Variants in HIVEP1 observed in about 807,000 individuals in gnomAD.
HIVEP1 encodes the protein HIVEP zinc finger 1, also known as zinc finger protein 40.
Under a neutral mutation model 180.0 loss-of-function variants are expected in HIVEP1, and 36 were observed. That is an observed-to-expected ratio of 0.20 (90% confidence interval 0.15 to 0.26). The LOEUF (loss-of-function observed/expected upper bound fraction) is 0.26, where lower values mean the gene tolerates loss of function less well. Ranked by LOEUF, HIVEP1 falls within the 10% of genes least tolerant of loss-of-function variation. The pLI is 1.00. For missense variants in HIVEP1, 3,143 were observed against 3,268.7 expected, an observed-to-expected ratio of 0.96 and a Z score of 0.94; for synonymous variants, 1,239 against 1,239.0, an observed-to-expected ratio of 1.00 and a Z score of 0.00.
the HIVEP1 span, among the ~76,000 whole-genome samples, chr6:12,195,240 G>C: frequency 6.6e-6 from 1 of 152,188 alleles, no homozygotes; most frequent in Non-Finnish European, 1.5e-5. Context: ...CTGAGAGCAT[G>C]GGTCTGATCT....
At chr6:12,207,719 A>T in the HIVEP1 span, among the ~76,000 whole-genome samples, 1 of 132,154 alleles carries the variant, frequency 7.6e-6, no homozygotes, top group Non-Finnish European at 1.7e-5. Flanking sequence ...AGCCTGGGCA[A>T]TACAGCAAGA....
chr6:12,119,288 C>T (rs1429059387), intron 3 of HIVEP1, among the ~76,000 whole-genome samples: 1 of 152,224 alleles, frequency 6.6e-6, no homozygotes, highest in Non-Finnish European at 1.5e-5. Flanking sequence ...GTTGTCTCTT[C>T]GTGCTTCCTC....
chr6:12,101,363 T>G (rs1196646326), intron 3 of HIVEP1, among the ~76,000 whole-genome samples: 2 of 152,180 alleles, frequency 1.3e-5, no homozygotes, highest in East Asian at 3.8e-4. Context: ...TAACAGTGTA[T>G]TTTTGAACTG....
the HIVEP1 span, among the ~76,000 whole-genome samples, chr6:12,209,294 G>T: frequency 1.3e-5 from 2 of 152,172 alleles, no homozygotes; most frequent in African/African-American, 4.8e-5. Flanking sequence ...TTAGCCTGGT[G>T]TGGTGGCAGG....
the HIVEP1 span, among the ~76,000 whole-genome samples, chr6:12,206,943 T>C: frequency 2.0e-5 from 3 of 151,814 alleles, no homozygotes; most frequent in South Asian, 6.2e-4. Flanking sequence ...GTCTCTGATG[T>C]GTGCTAATTT....
At chr6:12,197,869 C>A in the HIVEP1 span, among the ~76,000 whole-genome samples, 6 of 152,096 alleles carry the variant, frequency 3.9e-5, no homozygotes, top group African/African-American at 1.4e-4. Flanking sequence ...CCCCTGAAAA[C>A]AGATGGGTTT....
In HIVEP1 at chr6:12,121,495, A is replaced by G. The variant is rs1328809913; in HGVS notation, c.1700A>G (p.His567Arg). 2 of 1,614,220 alleles carry G rather than the reference A, an allele frequency of 1.2e-6. No individual in the cohort carries two copies. Among genetic ancestry groups the G allele is most frequent in the African/African-American group, 1.3e-5 (1 of 75,060 alleles). ...VTELPKVVVH[H>R]VTVSPLRTDS... ...GAGTTACCGAAAGTTGTGGTCCACC[A>G]TGTCACTGTGTCCCCCTTAAGAACT... Residue 567 changes from histidine to arginine, a missense_variant, in exon 4 of 9, where the codon CAT becomes CGT. Transcript: ENST00000379388. This position sits in a 1 kb window ranked among gnomAD's most constrained non-coding sequence, Gnocchi z 5.3.
At chr6:12,065,981 A>G (rs1771551882) in intron 2 of HIVEP1, among the ~76,000 whole-genome samples, 1 of 152,104 alleles carries the variant, frequency 6.6e-6, no homozygotes, top group African/African-American at 2.4e-5. Flanking sequence ...TGCGGCTGTG[A>G]GTAAGGAGAA....
chr6:12,130,618 T>C, intron 5 of HIVEP1, 149 bp from the exon 6 acceptor site: 1 of 499,954 alleles, frequency 2.0e-6, no homozygotes, highest in East Asian at 3.0e-5. Context: ...TGTAAAAAGC[T>C]GGAATATTCT....
chr6:12,067,211 T>C (rs553846215), intron 2 of HIVEP1, among the ~76,000 whole-genome samples: 1 of 152,178 alleles, frequency 6.6e-6, no homozygotes, highest in African/African-American at 2.4e-5. Flanking sequence ...GTATTATGGA[T>C]CTTGCAGTTG....
the HIVEP1 span, among the ~76,000 whole-genome samples, chr6:12,211,262 T>A: frequency 0.057 from 3,821 of 66,742 alleles, 140 homozygotes; most frequent in Middle Eastern, 0.067. Flanking sequence ...TAGCCGGGCG[T>A]GGTGGCAGGT....
At chr6:12,186,362 A>G in the HIVEP1 span, among the ~76,000 whole-genome samples, 1 of 151,778 alleles carries the variant, frequency 6.6e-6, no homozygotes, top group Non-Finnish European at 1.5e-5. Context: ...ATATATATGC[A>G]ATGTCTAGAA....
chr6:12,123,727 G>C lies in HIVEP1; in HGVS notation c.3932G>C (p.Ser1311Thr). The C allele has an allele frequency of 6.2e-7, 1 of 1,614,126 alleles. No individual in the cohort carries two copies. Among genetic ancestry groups the C allele is most frequent in the Non-Finnish European group, 8.5e-7 (1 of 1,179,968 alleles). ...TCCAGGAGTCTAAGTAGGGAGAGCA[G>C]TTTATCTCACACTTCAAGTTTCTCA... is the stretch of plus-strand genomic sequence containing the variant. ...TLSRSLSRES[S>T]LSHTSSFSAS... The change falls in exon 4 of 9, where the codon AGT becomes ACT. Residue 1311 changes from serine to threonine, a missense_variant. Ser to Thr is a moderately conservative substitution (Grantham distance 58). Transcript: ENST00000379388.
At chr6:12,174,073 C>T in the HIVEP1 span, among the ~76,000 whole-genome samples, 1 of 152,204 alleles carries the variant, frequency 6.6e-6, no homozygotes, top group African/African-American at 2.4e-5. Flanking sequence ...GTTCCTTCAA[C>T]ATTTTTATTT....
At chr6:12,038,755 A>G (rs1267786566) in intron 2 of HIVEP1, 1 of 152,452 alleles carries the variant, frequency 6.6e-6, no homozygotes, top group South Asian at 2.1e-4. Context: ...AACAACAACA[A>G]CAAAGAATCA....
At chr6:12,154,156 A>G (rs1175948276) in intron 7 of HIVEP1, among the ~76,000 whole-genome samples, 3 of 152,214 alleles carry the variant, frequency 2.0e-5, no homozygotes, top group Non-Finnish European at 2.9e-5. Context: ...CCAGTCCAGC[A>G]CCACTGAATT....
the HIVEP1 span, among the ~76,000 whole-genome samples, chr6:12,170,853 A>G: frequency 6.6e-6 from 1 of 152,206 alleles, no homozygotes; most frequent in Non-Finnish European, 1.5e-5. Context: ...CACAGGACAC[A>G]AAAGTAAGGA....
chr6:12,101,584 TAATC>T (rs993299923), intron 3 of HIVEP1, among the ~76,000 whole-genome samples: 1 of 151,726 alleles, frequency 6.6e-6, no homozygotes, highest in African/African-American at 2.4e-5. Context: ...ACAAAGGAAA[TAATC>T]AAAAATCTCT....
chr6:12,194,058 T>TGCAGTAAGC, the HIVEP1 span, among the ~76,000 whole-genome samples: 2 of 152,002 alleles, frequency 1.3e-5, no homozygotes, highest in Admixed American at 6.6e-5. Flanking sequence ...AATTGAGATG[T>TGCAGTAAGC]TCAAAAATAC....
Sources: allele counts gnomAD v4.1 joint callset (sites outside exome capture counted in the v4.1 genomes callset), GRCh38; gene constraint gnomAD v4.1.1; non-coding constraint Gnocchi (gnomAD v3.1); transcripts MANE v1.5; gene names NCBI Gene and HGNC (gene_info 2026-07-23, HGNC 2026-07-21).